The following PCDH9 variants were observed in gnomAD, a reference collection of about 807,000 sequenced individuals.
PCDH9 encodes protocadherin-9.
PCDH9 carries 24 observed loss-of-function variants against 70.6 expected under a neutral mutation model. The observed-to-expected ratio is 0.34, with a 90% CI of 0.25 to 0.48. The LOEUF is 0.48. PCDH9 is among the 20% of genes least tolerant of loss of function. The probability of loss-of-function intolerance (pLI) is 0.99; values close to 1 mark genes in which losing one functional copy is unlikely to be tolerated. For synonymous variants in PCDH9, 562 were observed against 558.5 expected (o/e 1.01, Z -0.09); for missense variants, 1,281 against 1,503.6 (o/e 0.85, Z 2.45).
intron 4 of PCDH9, among the ~76,000 whole-genome samples, chr13:66,583,484 C>T (rs1266914202): frequency 6.6e-6 from 1 of 151,798 alleles, no homozygotes; most frequent in Admixed American, 6.6e-5. Context: ...TGGGGGGACG[C>T]GCCTATAGTC....
At chr13:66,413,781 C>CTA (rs1468030189) in intron 4 of PCDH9, among the ~76,000 whole-genome samples, 1 of 151,956 alleles carries the variant, frequency 6.6e-6, no homozygotes, top group Non-Finnish European at 1.5e-5. Context: ...TTGGATTGAG[C>CTA]TATAATAAAT....
At chr13:67,058,658 C>A (rs979109977) in intron 2 of PCDH9, among the ~76,000 whole-genome samples, 7 of 152,030 alleles carry the variant, frequency 4.6e-5, no homozygotes, top group Admixed American at 4.6e-4. Context: ...ACAGTATGCC[C>A]ATGATCAATG....
chr13:66,314,315 G>A (rs1432075809), intron 4 of PCDH9, among the ~76,000 whole-genome samples: 1 of 152,168 alleles, frequency 6.6e-6, no homozygotes, highest in Admixed American at 6.5e-5. Flanking sequence ...CACACAAATT[G>A]TTCTCATCAA....
In PCDH9 at chr13:66,615,358, T is replaced by C. The variant is rs112463392; in HGVS notation, c.3340+15852A>G. Among the ~76,000 whole-genome samples the C allele has an allele frequency of 8.0e-3, 1,224 of 152,318 alleles. 16 individuals are homozygous for C. The highest frequency in any genetic ancestry group is 0.028 in the African/African-American group (1,165 of 41,570). The stretch of plus-strand genomic sequence containing the variant: ...TGCTAATATTTGCTCCAAAATTGTA[T>C]GAGATTTCTAAAATTCTGATGTCTG... On this transcript the variant is annotated intron_variant, in intron 4 of 4. Transcript: ENST00000377865.
chr13:66,909,878 C>A (rs575450960), intron 2 of PCDH9, among the ~76,000 whole-genome samples: 16 of 152,166 alleles, frequency 1.1e-4, no homozygotes, highest in Non-Finnish European at 2.2e-4. Context: ...GGGACCCTGA[C>A]ACATGTTCCT....
intron 2 of PCDH9, among the ~76,000 whole-genome samples, chr13:67,036,888 T>G (rs904864340): frequency 1.3e-5 from 2 of 152,178 alleles, no homozygotes; most frequent in Admixed American, 1.3e-4. Context: ...GCAGGCTTAG[T>G]AGAGATAGAA....
chr13:67,068,040 A>C (rs1210275315), intron 2 of PCDH9, among the ~76,000 whole-genome samples: 6 of 152,136 alleles, frequency 3.9e-5, no homozygotes. Context: ...ATTTTACAAT[A>C]AAATAACTTC....
chr13:66,681,817 C>A (rs569402708), intron 3 of PCDH9, among the ~76,000 whole-genome samples: 86 of 152,022 alleles, frequency 5.7e-4, no homozygotes, highest in African/African-American at 2.0e-3. Context: ...TATTAGAGCA[C>A]ATTTACTGTT....
chr13:66,756,612 A>G (rs777851251), intron 3 of PCDH9, among the ~76,000 whole-genome samples: 4 of 152,166 alleles, frequency 2.6e-5, no homozygotes, highest in Non-Finnish European at 5.9e-5. Flanking sequence ...AAACAGGCCC[A>G]TTCCATGTTT....
chr13:66,565,428 G>A (rs927593038), intron 4 of PCDH9, among the ~76,000 whole-genome samples: 1 of 152,168 alleles, frequency 6.6e-6, no homozygotes, highest in African/African-American at 2.4e-5. Context: ...CCTAGAAAGT[G>A]CAGTGAAACA....
intron 3 of PCDH9, among the ~76,000 whole-genome samples, chr13:66,656,068 G>T (rs1248614957): frequency 6.6e-6 from 1 of 151,840 alleles, no homozygotes; most frequent in African/African-American, 2.4e-5. Flanking sequence ...GAAGAAGAAG[G>T]CAGGTGTGCC....
At position 67,227,201 on chromosome 13, in the gene PCDH9, C is replaced by T; in HGVS notation, c.1240G>A (p.Val414Ile). 6.2e-7 allele frequency: 1 copy of T among 1,613,144 alleles called. No homozygotes were observed. Among genetic ancestry groups the T allele is most frequent in the South Asian group, 1.1e-5 (1 of 91,066 alleles). Residue 414 changes from valine to isoleucine, a missense_variant, in exon 2 of 5, where the codon GTA becomes ATA. Transcript: ENST00000377865. This position sits in a 1 kb window ranked among gnomAD's most constrained non-coding sequence, Gnocchi z 4.6. ...EREVPFHLKA[V>I]YDNQYLLETS... The stretch of plus-strand genomic sequence containing the variant: ...TCTAACAAATATTGGTTGTCATATA[C>T]CGCCTTCAAATGAAATGGGACCTCT...
intron 4 of PCDH9, among the ~76,000 whole-genome samples, chr13:66,413,853 A>G (rs1957416252): frequency 6.6e-6 from 1 of 152,116 alleles, no homozygotes; most frequent in Non-Finnish European, 1.5e-5. Context: ...AGGAAAGACC[A>G]GCAAAAAATG....
At chr13:67,206,486 A>C (rs2089350917) in intron 2 of PCDH9, 1 of 152,130 alleles carries the variant, frequency 6.6e-6, no homozygotes, top group African/African-American at 2.4e-5. Context: ...AACAAGGAAG[A>C]TATTAAGCAG....
intron 4 of PCDH9, among the ~76,000 whole-genome samples, chr13:66,440,957 A>T (rs1030822741): frequency 2.6e-5 from 4 of 152,158 alleles, no homozygotes; most frequent in African/African-American, 9.7e-5. Flanking sequence ...CAGCCACAAG[A>T]TCAACCACAA....
At chr13:66,953,431 C>T (rs192550229) in intron 2 of PCDH9, among the ~76,000 whole-genome samples, 510 of 152,328 alleles carry the variant, frequency 3.3e-3, no homozygotes, top group African/African-American at 0.011. Context: ...CACTCCACTC[C>T]TCTTAACTAC....
intron 3 of PCDH9, among the ~76,000 whole-genome samples, chr13:66,640,305 T>C (rs774364916): frequency 6.6e-6 from 1 of 152,188 alleles, no homozygotes; most frequent in Non-Finnish European, 1.5e-5. Flanking sequence ...CAAGAATTTG[T>C]CTCAGTTCCC....
At chr13:66,555,903 A>C (rs541363717) in intron 4 of PCDH9, among the ~76,000 whole-genome samples, 2 of 148,240 alleles carry the variant, frequency 1.3e-5, no homozygotes, top group Non-Finnish European at 1.5e-5. Flanking sequence ...ATATATATAT[A>C]AGATATATAC....
intron 2 of PCDH9, among the ~76,000 whole-genome samples, chr13:67,127,833 G>A (rs1049127565): frequency 2.6e-5 from 4 of 151,836 alleles, no homozygotes; most frequent in Non-Finnish European, 4.4e-5. Flanking sequence ...TACTGGAGAT[G>A]GGAGCACTTT....
Sources: gnomAD v4.1 joint callset for allele counts (sites outside exome capture counted in the v4.1 genomes callset) on GRCh38, gnomAD v4.1.1 for gene constraint, Gnocchi (gnomAD v3.1) non-coding constraint, MANE v1.5 for transcripts, NCBI Gene and HGNC (gene_info 2026-07-23, HGNC 2026-07-21) for gene names.